The following SSR4 variants were observed in gnomAD, a reference collection of about 807,000 sequenced individuals.
SSR4 encodes the protein translocon-associated protein subunit delta.
For synonymous variants in SSR4, 84 were observed against 65.6 expected (o/e 1.28, Z -1.35); for missense variants, 125 against 148.8 (o/e 0.84, Z 0.83).
At chrX:153,796,616 G>A in intron 2 of SSR4, 64 bp downstream of exon 2, 5 of 845,661 alleles carry the variant, frequency 5.9e-6, no homozygotes, top group Non-Finnish European at 7.0e-6. Flanking sequence ...TAGTTGATGG[G>A]GGACCTGTGT....
Position 153,794,683 on chromosome X carries a change from AGGCGATGGC to A in SSR4, c.6_14del (p.AlaMetAla3_?5), listed in dbSNP as rs375165935. 5 of 1,211,270 alleles carry A rather than the reference AGGCGATGGC, an allele frequency of 4.1e-6. No individual in the cohort carries two copies. Among genetic ancestry groups the A allele is most frequent in the African/African-American group, 1.7e-5 (1 of 57,697 alleles). On this transcript the variant is annotated start_lost and 5_prime_UTR_variant, in exon 1 of 6. Coordinates refer to ENST00000370086, the MANE Select transcript of SSR4 (RefSeq NM_006280.3). ...TTTTCTTTTCCTCTAGGCAGAGAAG[AGGCGATGGC>A]GGCGATGGCATCTCTCGGCGCCCTG...
chrX:153,795,930 A>G (rs1345761889), intron 1 of SSR4: 1 of 648,321 alleles, frequency 1.5e-6, no homozygotes, highest in African/African-American at 2.4e-5. Context: ...TTCTTCAGGA[A>G]ACGCTGGGGC....
rs2092150919 is a variant in SSR4 at position 153,797,777 on chromosome X, G to A, written c.314G>A (p.Arg105Lys). 2.5e-6 allele frequency: 3 copies of A among 1,209,765 alleles called. No individual in the cohort carries two copies. Among genetic ancestry groups the A allele is most frequent in the Non-Finnish European group, 3.4e-6 (3 of 894,675 alleles). ...KSAHAGTYEV[R>K]FFDEESYSLL... ...GCCCACGCAGGCACCTATGAGGTTA[G>A]ATTCTTCGACGAGGAGTCCTACAGC... The change falls in exon 4 of 6, where the codon AGA (arginine) becomes AAA (lysine). Residue 105 changes from arginine (R) to lysine (K), a missense_variant. Arg to Lys is a conservative substitution (Grantham distance 26). Coordinates refer to ENST00000370086, the MANE Select transcript of SSR4 (RefSeq NM_006280.3).
chrX:153,795,064 G>A (rs1378856302), intron 1 of SSR4: 19 of 341,577 alleles, frequency 5.6e-5, no homozygotes, highest in African/African-American at 5.0e-4. Context: ...TCGGACCGGA[G>A]CGAAGCTCTG....
At position 153,797,529 on chromosome X, in the gene SSR4, T is replaced by C. The variant is rs1557072865; in HGVS notation, c.258T>C (p.Tyr86=). The stretch of plus-strand genomic sequence containing the variant: ...CTCGAGGCCAGGATGTGGGGCGTTA[T>C]CAGGTGAGGGGCCAATGGTTCCCTT... ...PVTRGQDVGR[Y]QVSWSLDHKS... Residue 86 remains tyrosine, a synonymous_variant, in exon 3 of 6, where the codon TAT becomes TAC. Coordinates refer to ENST00000370086, the MANE Select transcript of SSR4 (RefSeq NM_006280.3). 1.7e-6 allele frequency: 2 copies of C among 1,209,436 alleles called. No individual in the cohort carries two copies. Among genetic ancestry groups the C allele is most frequent in the Non-Finnish European group, 1.1e-6 (1 of 893,283 alleles).
At position 153,797,940 on chromosome X, in the gene SSR4, C is replaced by T. The variant is rs782327792; in HGVS notation, c.351+126C>T. On this transcript the variant is annotated intron_variant, in intron 4 of 5. Coordinates refer to ENST00000370086, the MANE Select transcript of SSR4 (RefSeq NM_006280.3). ...TGTGATCCTGTCCCTTCCTCAGTGT[C>T]TCTTGCCCATTTCTCTCCTTTCCTT... 1.6e-3 allele frequency: 1,382 copies of T among 885,530 alleles called. 6 individuals carry two copies. Among genetic ancestry groups the T allele is most frequent in the Non-Finnish European group, 1.5e-3 (946 of 613,193 alleles). 73.0% of individuals were successfully genotyped at this position (885,530 alleles called of 1,213,427 possible).
chrX:153,794,503 GA>G (rs2092126283), upstream of SSR4: 3 of 1,159,698 alleles, frequency 2.6e-6, no homozygotes, highest in Non-Finnish European at 3.5e-6. Context: ...TTGAGGGGGG[GA>G]CCGCGACCAG....
intron 4 of SSR4, 128 bp downstream of exon 4, chrX:153,797,942 C>T: frequency 1.1e-6 from 1 of 893,850 alleles, no homozygotes; most frequent in Non-Finnish European, 1.6e-6. Context: ...CTCAGTGTCT[C>T]TTGCCCATTT....
chrX:153,795,525 G>C, intron 1 of SSR4: 1 of 224,430 alleles, frequency 4.5e-6, no homozygotes, highest in Non-Finnish European at 6.5e-6. Context: ...TATAGTCAGG[G>C]ACGTATCCAG....
In SSR4 at chrX:153,798,479, A is replaced by G; in HGVS notation, c.*46A>G. Reference sequence around the variant, plus strand: ...CCTTGCTTCCTTCAATAAACATCACAGGACCTGGGACTGCACAGGACCTGG... The same window carrying G: ...CCTTGCTTCCTTCAATAAACATCACGGGACCTGGGACTGCACAGGACCTGG... On this transcript the variant is annotated 3_prime_UTR_variant, in exon 6 of 6. Transcript: ENST00000370086. 1 of 1,098,452 alleles carries G rather than the reference A, an allele frequency of 9.1e-7. No individual in the cohort carries two copies. The highest frequency in any genetic ancestry group is 1.2e-6 in the Non-Finnish European group (1 of 816,675). The allele number at this position is 1,098,452 out of a possible 1,213,427, so 90.5% of individuals were successfully genotyped here.
chrX:153,797,030 C>T (rs1356239585), intron 2 of SSR4: 1 of 183,679 alleles, frequency 5.4e-6, no homozygotes, highest in Non-Finnish European at 1.0e-5. Flanking sequence ...AGGTGCTCGC[C>T]ACCATGCCCA....
Position 153,798,078 on chromosome X carries a change from G to A in SSR4, c.359G>A (p.Arg120Lys). ...ESYSLLRKAQ[R>K]NNEDISIIPP... The stretch of plus-strand genomic sequence containing the variant: ...CTTGCACCTCCCTTGCAGGCTCAGA[G>A]GAATAACGAGGACATTTCCATCATC... Residue 120 changes from arginine (R) to lysine (K), a missense_variant, in exon 5 of 6, where the codon AGG becomes AAG. Coordinates refer to ENST00000370086, the MANE Select transcript of SSR4 (RefSeq NM_006280.3). 1 of 1,195,923 alleles carries A rather than the reference G, an allele frequency of 8.4e-7. No homozygotes were observed. The highest frequency in any genetic ancestry group is 1.1e-6 in the Non-Finnish European group (1 of 886,514).
chrX:153,796,579 G>A (rs1557072559), intron 2 of SSR4, 27 bp downstream of exon 2: 1 of 1,066,789 alleles, frequency 9.4e-7, no homozygotes, highest in Non-Finnish European at 1.3e-6. Context: ...TCAGACAGGA[G>A]GGCGGGTGGG....
At chrX:153,794,590 G>A (rs1557071635), upstream of SSR4, 3 of 1,190,663 alleles carry the variant, frequency 2.5e-6, no homozygotes, top group East Asian at 3.1e-5. Flanking sequence ...CGTTCGGTGC[G>A]CGATTGGCTG....
chrX:153,794,328 A>T (rs781804840), upstream of SSR4: 1 of 1,193,055 alleles, frequency 8.4e-7, no homozygotes, highest in South Asian at 1.8e-5. Flanking sequence ...CAGCGCCATG[A>T]CGGAAAGTGA....
chrX:153,795,723 G>A, intron 1 of SSR4: 2 of 754,866 alleles, frequency 2.6e-6, no homozygotes, highest in Non-Finnish European at 3.1e-6. Flanking sequence ...TGAAGCCATC[G>A]TTCTGCCAGG....
chrX:153,794,820 G>T, intron 1 of SSR4, 66 bp downstream of exon 1: 1 of 1,129,798 alleles, frequency 8.9e-7, no homozygotes, highest in Non-Finnish European at 1.2e-6. Flanking sequence ...GTTGGGGGCA[G>T]GAGGGATGCG....
chrX:153,798,031 CA>C, intron 4 of SSR4, 39 bp from the exon 5 acceptor site: 2 of 1,029,962 alleles, frequency 1.9e-6, no homozygotes, highest in Non-Finnish European at 2.7e-6. Flanking sequence ...ACACGCCAGG[CA>C]CCCCTGACCC....
In SSR4 at chrX:153,797,483, G is replaced by C; in HGVS notation, c.212G>C (p.Gly71Ala). Residue 71 changes from glycine to alanine, a missense_variant, in exon 3 of 6, where the codon GGT (glycine) becomes GCT (alanine). Physicochemically the swap from Gly to Ala is moderately conservative, Grantham distance 60. Transcript: ENST00000370086. ...VQNMALYADV[G>A]GKQFPVTRGQ... is the part of the protein sequence containing the mutation. Reference sequence around the variant, plus strand: ...AACATGGCTCTCTATGCTGACGTCGGTGGAAAACAATTCCCTGTCACTCGA... The same window carrying C: ...AACATGGCTCTCTATGCTGACGTCGCTGGAAAACAATTCCCTGTCACTCGA... The C allele has an allele frequency of 8.3e-7, 1 of 1,211,847 alleles. No homozygotes were observed. The highest frequency in any genetic ancestry group is 1.1e-6 in the Non-Finnish European group (1 of 895,330).
Sources: gnomAD v4.1 joint callset for allele counts on GRCh38, gnomAD v4.1.1 for gene constraint, MANE v1.5 for transcripts, NCBI Gene and HGNC (gene_info 2026-07-23, HGNC 2026-07-21) for gene names.